Variants in PLGRKT observed in about 807,000 individuals in gnomAD.
PLGRKT encodes the protein plasminogen receptor (KT).
A neutral mutation model predicts 18.5 loss-of-function variants in PLGRKT; 22 were observed. The observed-to-expected ratio is 1.19, with a 90% CI of 0.85 to 1.70. PLGRKT has a LOEUF of 1.70. Ranked by LOEUF, PLGRKT falls within the 40% of genes most tolerant of loss-of-function variation. The pLI, the probability that PLGRKT is intolerant of heterozygous loss-of-function variation, is 0.00. For missense variants in PLGRKT, 235 were observed against 174.4 expected (o/e 1.35, Z -1.96); for synonymous variants, 72 against 52.8 (o/e 1.36, Z -1.58).
intron 3 of PLGRKT, among the ~76,000 whole-genome samples, chr9:5,398,975 C>T (rs1398239886): frequency 6.6e-6 from 1 of 151,382 alleles, no homozygotes. Context: ...TCTATCTTTG[C>T]CAGAAAGAGA....
intron 3 of PLGRKT, among the ~76,000 whole-genome samples, chr9:5,382,426 A>C (rs1817765061): frequency 6.6e-6 from 1 of 152,140 alleles, no homozygotes; most frequent in African/African-American, 2.4e-5. Flanking sequence ...GTGAGGGGAG[A>C]TAGGAATGAG....
chr9:5,411,302 T>C (rs1365031531), intron 3 of PLGRKT, among the ~76,000 whole-genome samples: 1 of 151,206 alleles, frequency 6.6e-6, no homozygotes, highest in Non-Finnish European at 1.5e-5. Flanking sequence ...GGAGAATCAC[T>C]TGAACCTGGG....
At chr9:5,411,182 G>C (rs141846076) in intron 3 of PLGRKT, among the ~76,000 whole-genome samples, 281 of 152,130 alleles carry the variant, frequency 1.8e-3, no homozygotes, top group African/African-American at 6.5e-3. Context: ...TCGGGAGTTT[G>C]AGATCAGCCT....
At chr9:5,362,404 C>T (rs987303164) in intron 3 of PLGRKT, among the ~76,000 whole-genome samples, 2 of 152,116 alleles carry the variant, frequency 1.3e-5, no homozygotes, top group African/African-American at 4.8e-5. Flanking sequence ...TTTTTCTCGC[C>T]TCAAGTTCTT....
intron 3 of PLGRKT, among the ~76,000 whole-genome samples, chr9:5,401,237 C>A (rs1434555200): frequency 1.3e-5 from 2 of 151,602 alleles, no homozygotes; most frequent in Non-Finnish European, 2.9e-5. Context: ...TACTGGAAGT[C>A]TATCAAAGAC....
chr9:5,387,874 G>A (rs1817875011), intron 3 of PLGRKT, among the ~76,000 whole-genome samples: 1 of 151,852 alleles, frequency 6.6e-6, no homozygotes, highest in South Asian at 2.1e-4. Context: ...ACTAATCCAG[G>A]CAACAAACAG....
intron 3 of PLGRKT, among the ~76,000 whole-genome samples, chr9:5,376,197 G>A (rs937431183): frequency 6.6e-6 from 1 of 152,182 alleles, no homozygotes; most frequent in Non-Finnish European, 1.5e-5. Flanking sequence ...TGGAGGGAGT[G>A]GAGAGTGGGG....
chr9:5,381,051 A>G (rs1383544892), intron 3 of PLGRKT, among the ~76,000 whole-genome samples: 2 of 152,194 alleles, frequency 1.3e-5, no homozygotes, highest in African/African-American at 2.4e-5. Context: ...ACCTTCTGCC[A>G]TGATTGTAAG....
chr9:5,407,192 T>C (rs1387089914), intron 3 of PLGRKT, among the ~76,000 whole-genome samples: 3 of 152,226 alleles, frequency 2.0e-5, no homozygotes, highest in Non-Finnish European at 2.9e-5. Context: ...TGTTCTCATA[T>C]ATAACAAAAA....
chr9:5,414,512 T>C (rs1818422600), intron 3 of PLGRKT, among the ~76,000 whole-genome samples: 1 of 152,188 alleles, frequency 6.6e-6, no homozygotes. Flanking sequence ...CAATGTTTCA[T>C]ATACTCCTCA....
At chr9:5,389,163 T>C (rs1817899696) in intron 3 of PLGRKT, among the ~76,000 whole-genome samples, 1 of 151,842 alleles carries the variant, frequency 6.6e-6, no homozygotes, top group Non-Finnish European at 1.5e-5. Flanking sequence ...AGTTATATGA[T>C]GGGATATCTT....
chr9:5,380,078 G>C (rs565699822), intron 3 of PLGRKT, among the ~76,000 whole-genome samples: 1 of 152,266 alleles, frequency 6.6e-6, no homozygotes, highest in East Asian at 1.9e-4. Context: ...AAAACAAAAA[G>C]AATAGGCTGG....
intron 3 of PLGRKT, among the ~76,000 whole-genome samples, chr9:5,365,008 C>A (rs1309418303): frequency 6.6e-6 from 1 of 152,112 alleles, no homozygotes; most frequent in Non-Finnish European, 1.5e-5. Context: ...AGTGTAAGTA[C>A]ATACATTTTC....
At position 5,395,489 on chromosome 9, in the gene PLGRKT, G is replaced by T. The variant is rs573623232; in HGVS notation, c.82-33601C>A. 5.3e-5 allele frequency among the ~76,000 whole-genome samples: 8 copies of T among 151,950 alleles called. No individual in the cohort carries two copies. In the East Asian group the frequency reaches 1.4e-3, roughly 26 times the overall value. ...GATGTAAATAACTTTGCAGAATTATGGAGCAGGACTCATTAAGAAATAAGA... is the reference window on the plus strand; with the variant it reads ...GATGTAAATAACTTTGCAGAATTATTGAGCAGGACTCATTAAGAAATAAGA... On this transcript the variant is annotated intron_variant, in intron 3 of 5. Transcript: ENST00000223864.
At position 5,361,774 on chromosome 9, in the gene PLGRKT, T is replaced by C. The variant is rs139531418; in HGVS notation, c.196A>G (p.Ile66Val). Residue 66 changes from isoleucine to valine, a missense_variant, in exon 4 of 6, where the codon ATC becomes GTC. Coordinates refer to ENST00000223864, the MANE Select transcript of PLGRKT (RefSeq NM_018465.4). Reference protein sequence around the residue: ...YFGTFFGLAAISLTAGAIKKK... With the variant: ...YFGTFFGLAAVSLTAGAIKKK... ...CAAACATACCCAGCTGTTAAAGAGA[T>C]GGCTGCAAGGCCAAAAAAAGTTCCA... The C allele has an allele frequency of 1.2e-6, 2 of 1,611,154 alleles. No individual in the cohort carries two copies. Among genetic ancestry groups the C allele is most frequent in the Non-Finnish European group, 1.7e-6 (2 of 1,179,266 alleles).
At chr9:5,378,880 T>C (rs1328969855) in intron 3 of PLGRKT, among the ~76,000 whole-genome samples, 5 of 152,172 alleles carry the variant, frequency 3.3e-5, no homozygotes, top group African/African-American at 1.2e-4. Flanking sequence ...GCTTAATATG[T>C]GTGTATCTGT....
chr9:5,437,103 G>C lies in PLGRKT; in HGVS notation c.-132-409C>G, dbSNP rs183613460. ...TTGATTCCTTCTGAGATCTTGGAAG[G>C]GGTCTTTAATGCTTCAGCCCTGCCT... On this transcript the variant is annotated intron_variant, in intron 1 of 5. Transcript: ENST00000223864. Among the ~76,000 whole-genome samples the C allele has an allele frequency of 2.6e-5, 4 of 152,216 alleles. No individual in the cohort carries two copies. The East Asian group carries it at 7.7e-4, about 29-fold the overall frequency.
intron 3 of PLGRKT, among the ~76,000 whole-genome samples, chr9:5,417,738 C>T (rs184759702): frequency 4.8e-4 from 71 of 149,374 alleles, no homozygotes; most frequent in African/African-American, 1.4e-3. Flanking sequence ...TCTCTAATTA[C>T]AAGTGAAGAA....
At chr9:5,435,926 T>C (rs181293131) in intron 2 of PLGRKT, among the ~76,000 whole-genome samples, 1 of 152,342 alleles carries the variant, frequency 6.6e-6, no homozygotes, top group East Asian at 1.9e-4. Context: ...AGTGACTTCC[T>C]TGTATTCTGA....
Sources: gnomAD v4.1 joint callset for allele counts (sites outside exome capture counted in the v4.1 genomes callset) on GRCh38, gnomAD v4.1.1 for gene constraint, MANE v1.5 for transcripts, NCBI Gene and HGNC (gene_info 2026-07-23, HGNC 2026-07-21) for gene names.